The following KLHDC3 variants were observed in gnomAD, a reference collection of about 807,000 sequenced individuals.
KLHDC3 encodes kelch domain-containing protein 3.
In KLHDC3, 5 loss-of-function variants were observed where a neutral mutation model predicts 44.1. The observed-to-expected ratio is 0.11, with a 90% CI of 0.06 to 0.24. KLHDC3 has a LOEUF of 0.24. Ranked by LOEUF, KLHDC3 falls within the 10% of genes least tolerant of loss-of-function variation. The pLI is 1.00. For missense variants in KLHDC3, 247 were observed against 514.3 expected (o/e 0.48, Z 5.03); for synonymous variants, 170 against 189.0 (o/e 0.90, Z 0.82).
In KLHDC3 at chr6:43,018,253, CTGTTGAAGCAATGATAGGAAG is replaced by C. The variant is rs772706918; in HGVS notation, c.519+38_519+58del. On this transcript the variant is annotated intron_variant, in intron 5 of 10. Coordinates refer to ENST00000326974, the MANE Select transcript of KLHDC3 (RefSeq NM_057161.4). This position sits in a 1 kb window ranked among gnomAD's most constrained non-coding sequence, Gnocchi z 6.0. ...CTTTTTTTTCCCAAATCCCCACCCT[CTGTTGAAGCAATGATAGGAAG>C]CTCAGTCAGAGGAGATCCTCTTCCA... is the stretch of plus-strand genomic sequence containing the variant. The C allele has an allele frequency of 6.3e-7, 1 of 1,578,352 alleles. No individual in the cohort carries two copies. The highest frequency in any genetic ancestry group is 1.4e-5 in the African/African-American group (1 of 74,014).
chr6:43,019,386 G>A lies in KLHDC3; in HGVS notation c.1082+20G>A, dbSNP rs752891904. The A allele has an allele frequency of 6.4e-6, 10 of 1,570,510 alleles. No individual in the cohort carries two copies. In the Admixed American group the frequency reaches 1.7e-4, roughly 26 times the overall value. On this transcript the variant is annotated intron_variant, in intron 10 of 10. Transcript: ENST00000326974. ...TATCAGGTACAGCGAGTGGTTGGAA[G>A]GGAGGGATTGAGTGAGGGTGAGTGA...
chr6:43,014,294 T>C lies in KLHDC3; in HGVS notation c.-114T>C, dbSNP rs553362305. 2.8e-5 allele frequency: 20 copies of C among 725,448 alleles called. No individual in the cohort carries two copies. The East Asian group carries it at 5.2e-4, about 19-fold the overall frequency. The allele number at this position is 725,448 out of a possible 1,614,324, so 44.9% of individuals were successfully genotyped here. A position where few individuals can be genotyped will look rare whatever the true frequency, so the allele number is the denominator to read the frequency against. On this transcript the variant is annotated 5_prime_UTR_variant, in exon 1 of 11. Coordinates refer to ENST00000326974, the MANE Select transcript of KLHDC3 (RefSeq NM_057161.4). The stretch of plus-strand genomic sequence containing the variant: ...AGGCGTCGGTTGGCGCGCAACGGGT[T>C]CTAGGCTGCAGGCAGCTCGAGGACC...
At chr6:43,015,775 G>A (rs1224438767) in intron 1 of KLHDC3, among the ~76,000 whole-genome samples, 2 of 151,068 alleles carry the variant, frequency 1.3e-5, no homozygotes, top group Admixed American at 6.6e-5. Flanking sequence ...GCTTGAACCC[G>A]GGAGGGAGGC....
chr6:43,015,876 C>T (rs1350466234), intron 1 of KLHDC3, among the ~76,000 whole-genome samples: 1 of 140,148 alleles, frequency 7.1e-6, no homozygotes, highest in African/African-American at 3.0e-5. Flanking sequence ...AAAAAAAAGA[C>T]CATGACTTCT....
At position 43,018,752 on chromosome 6, in the gene KLHDC3, G is replaced by T. The variant is rs769973266; in HGVS notation, c.820+33G>T. On this transcript the variant is annotated intron_variant, in intron 7 of 10. Transcript: ENST00000326974. The surrounding 1 kb of genome is among the most constrained non-coding windows in gnomAD (Gnocchi z 6.0). ...GCACTGCATTTAGGGCAGGAACAAG[G>T]AGCAATTGAGGTGGGAGGAAAAGAA... 6 of 1,596,114 alleles carry T rather than the reference G, an allele frequency of 3.8e-6. No individual in the cohort carries two copies. The South Asian group carries it at 6.6e-5, about 18-fold the overall frequency.
chr6:43,018,876 G>GAA lies in KLHDC3; in HGVS notation c.838_839dup (p.Ile281ArgfsTer45). 6.2e-7 allele frequency: 1 copy of GAA among 1,609,852 alleles called. No homozygotes were observed. Among genetic ancestry groups the GAA allele is most frequent in the Non-Finnish European group, 8.5e-7 (1 of 1,177,810 alleles). ...ATTTCTCTTCAGTGTCCTTTACCTGGAAAAAGATTGAACCGAAGGGGAAGG... is the reference window on the plus strand; with the variant it reads ...ATTTCTCTTCAGTGTCCTTTACCTGGAAAAAAAGATTGAACCGAAGGGGAAGG... On this transcript the variant is annotated frameshift_variant, in exon 8 of 11. Coordinates refer to ENST00000326974, the MANE Select transcript of KLHDC3 (RefSeq NM_057161.4). LOFTEE classifies it high-confidence loss of function. The surrounding 1 kb of genome is among the most constrained non-coding windows in gnomAD (Gnocchi z 6.0).
At chr6:43,014,900 G>A (rs1179765102) in intron 1 of KLHDC3, among the ~76,000 whole-genome samples, 4 of 152,158 alleles carry the variant, frequency 2.6e-5, no homozygotes, top group Non-Finnish European at 5.9e-5. Context: ...GGGAATAGAA[G>A]AAGTTTGAAA....
In KLHDC3 at chr6:43,018,602, C is replaced by G. The variant is rs747415796; in HGVS notation, c.734-31C>G. On this transcript the variant is annotated intron_variant, in intron 6 of 10. Transcript: ENST00000326974. This position sits in a 1 kb window ranked among gnomAD's most constrained non-coding sequence, Gnocchi z 6.0. Reference sequence around the variant, plus strand: ...TGTGGAGTTCCCTTCCTGCCCTCTTCACACTCCTGACACTTCCTCTCTCCT... The same window carrying G: ...TGTGGAGTTCCCTTCCTGCCCTCTTGACACTCCTGACACTTCCTCTCTCCT... 1 of 1,612,156 alleles carries G rather than the reference C, an allele frequency of 6.2e-7. No homozygotes were observed. The highest frequency in any genetic ancestry group is 1.7e-5 in the Admixed American group (1 of 60,012).
In KLHDC3 at chr6:43,017,706, A is replaced by G; in HGVS notation, c.331+11A>G. ...ATGCCTTTGACGTCAGTGAGTATGG[A>G]TCTCAGAGAGGCTATGTCCTTCCAG... On this transcript the variant is annotated intron_variant, in intron 3 of 10. Coordinates refer to ENST00000326974, the MANE Select transcript of KLHDC3 (RefSeq NM_057161.4). This position sits in a 1 kb window ranked among gnomAD's most constrained non-coding sequence, Gnocchi z 6.0. The G allele has an allele frequency of 6.2e-7, 1 of 1,608,848 alleles. No individual in the cohort carries two copies. Among genetic ancestry groups the G allele is most frequent in the Non-Finnish European group, 8.5e-7 (1 of 1,176,430 alleles).
rs1266114322 is a variant in KLHDC3, at chr6:43,017,491, C to T, written c.155-28C>T. The T allele has an allele frequency of 1.9e-6, 3 of 1,570,854 alleles. No individual in the cohort carries two copies. The highest frequency in any genetic ancestry group is 1.8e-5 in the Admixed American group (1 of 56,536). On this transcript the variant is annotated intron_variant, in intron 2 of 10. Transcript: ENST00000326974. This position sits in a 1 kb window ranked among gnomAD's most constrained non-coding sequence, Gnocchi z 6.0. ...AAGTGGACAGCCTGGAGGGAGGTTC[C>T]CAGGGCTGAGCAGAGCTGTGCCCAC...
chr6:43,019,234 C>T, intron 9 of KLHDC3, 54 bp from the exon 10 acceptor site: 1 of 1,555,438 alleles, frequency 6.4e-7, no homozygotes, highest in East Asian at 2.2e-5. Flanking sequence ...ATATCCAGGA[C>T]TGGATCCTTT....
chr6:43,017,045 C>T lies in KLHDC3; in HGVS notation c.-59-89C>T. 2 of 913,188 alleles carry T rather than the reference C, an allele frequency of 2.2e-6. No individual in the cohort carries two copies. Among genetic ancestry groups the T allele is most frequent in the Non-Finnish European group, 3.4e-6 (2 of 595,622 alleles). 56.6% of individuals were successfully genotyped at this position (913,188 alleles called of 1,614,324 possible). On this transcript the variant is annotated intron_variant, in intron 1 of 10. Transcript: ENST00000326974. This position sits in a 1 kb window ranked among gnomAD's most constrained non-coding sequence, Gnocchi z 6.0. ...GTGTGGGAGGGCCCCCAGGGTGACA[C>T]TTGGAGGCAAAGGCTGGTTCTGGGC...
At chr6:43,016,267 C>T (rs1297688226) in intron 1 of KLHDC3, among the ~76,000 whole-genome samples, 1 of 152,152 alleles carries the variant, frequency 6.6e-6, no homozygotes, top group Non-Finnish European at 1.5e-5. Context: ...CCACCTCTAT[C>T]CGCCTTTCAG....
chr6:43,014,264 G>C lies in KLHDC3; in HGVS notation c.-144G>C. The C allele has an allele frequency of 1.1e-6, 1 of 911,182 alleles. No homozygotes were observed. The highest frequency in any genetic ancestry group is 3.5e-4 in the Middle Eastern group (1 of 2,866). 56.4% of individuals were successfully genotyped at this position (911,182 alleles called of 1,614,324 possible). ...GCTTGGCTGTGTTTATCTCGTTGGG[G>C]ACTAAGGCGTCGGTTGGCGCGCAAC... On this transcript the variant is annotated 5_prime_UTR_variant, in exon 1 of 11. Coordinates refer to ENST00000326974, the MANE Select transcript of KLHDC3 (RefSeq NM_057161.4).
rs1446648667 is a variant in KLHDC3, at chr6:43,021,271, TAAA to T, written c.*541_*543del. On this transcript the variant is annotated 3_prime_UTR_variant, in exon 11 of 11. Transcript: ENST00000326974. Reference sequence around the variant, plus strand: ...TGAAGTTCAGCCAGCTCAGATTTTATAAAAATTAATTAAAATCTCCAAACGTGT... The same window carrying T: ...TGAAGTTCAGCCAGCTCAGATTTTATAATTAATTAAAATCTCCAAACGTGT... The T allele has an allele frequency of 2.7e-6, 1 of 364,138 alleles. No individual in the cohort carries two copies. Among genetic ancestry groups the T allele is most frequent in the East Asian group, 7.5e-5 (1 of 13,290 alleles). 22.6% of individuals were successfully genotyped at this position (364,138 alleles called of 1,614,324 possible).
intron 9 of KLHDC3, 45 bp downstream of exon 9, chr6:43,019,210 G>T: frequency 1.9e-6 from 3 of 1,553,660 alleles, no homozygotes; most frequent in Non-Finnish European, 2.7e-6. Context: ...CAAGGTCCCT[G>T]TCTTTGGGTG....
rs1324358367 is a variant in KLHDC3 at position 43,017,710 on chromosome 6, CAGAG to C, written c.331+18_331+21del. The C allele has an allele frequency of 4.4e-6, 7 of 1,607,954 alleles. No individual in the cohort carries two copies. Among genetic ancestry groups the C allele is most frequent in the East Asian group, 2.2e-5 (1 of 44,788 alleles). On this transcript the variant is annotated intron_variant, in intron 3 of 10. Coordinates refer to ENST00000326974, the MANE Select transcript of KLHDC3 (RefSeq NM_057161.4). This position sits in a 1 kb window ranked among gnomAD's most constrained non-coding sequence, Gnocchi z 6.0. ...CTTTGACGTCAGTGAGTATGGATCT[CAGAG>C]AGGCTATGTCCTTCCAGATGTTGCC...
Position 43,017,244 on chromosome 6 carries a change from G to A in KLHDC3, c.52G>A (p.Ala18Thr), listed in dbSNP as rs1200583285. The A allele has an allele frequency of 1.2e-6, 2 of 1,614,192 alleles. No individual in the cohort carries two copies. The highest frequency in any genetic ancestry group is 1.7e-6 in the Non-Finnish European group (2 of 1,180,020). ...LEGGPRRVNHAAVAVGHRVYS... is the reference protein window; with the variant it reads ...LEGGPRRVNHTAVAVGHRVYS... ...GGGCGGGCCCCGCAGGGTGAACCAT[G>A]CTGCAGTGGCTGTCGGGCATCGGGT... Residue 18 changes from alanine to threonine, a missense_variant, in exon 2 of 11, where the codon GCT becomes ACT. Coordinates refer to ENST00000326974, the MANE Select transcript of KLHDC3 (RefSeq NM_057161.4). This position sits in a 1 kb window ranked among gnomAD's most constrained non-coding sequence, Gnocchi z 6.0.
chr6:43,018,709 G>A lies in KLHDC3; in HGVS notation c.810G>A (p.Lys270=), dbSNP rs1762631647. Residue 270 remains lysine (K), a synonymous_variant, in exon 7 of 11, where the codon AAG becomes AAA. Coordinates refer to ENST00000326974, the MANE Select transcript of KLHDC3 (RefSeq NM_057161.4). The surrounding 1 kb of genome is among the most constrained non-coding windows in gnomAD (Gnocchi z 6.0). ...ACCGGCACTTCCATGACCTCTGGAA[G>A]TTTAATCCTGGTAAAGAGCACTGCA... ...RLNRHFHDLW[K]FNPVSFTWKK... is the part of the protein sequence containing the mutation. 2 of 1,613,890 alleles carry A rather than the reference G, an allele frequency of 1.2e-6. No homozygotes were observed. The highest frequency in any genetic ancestry group is 8.5e-7 in the Non-Finnish European group (1 of 1,179,792).
Sources: allele counts gnomAD v4.1 joint callset (sites outside exome capture counted in the v4.1 genomes callset), GRCh38; gene constraint gnomAD v4.1.1; non-coding constraint Gnocchi (gnomAD v3.1); transcripts MANE v1.5; gene names NCBI Gene and HGNC (gene_info 2026-07-23, HGNC 2026-07-21).